The following TNRC6C variants were observed in gnomAD, a reference collection of about 807,000 sequenced individuals.
The protein encoded by TNRC6C is trinucleotide repeat containing adaptor 6C, also known as trinucleotide repeat-containing gene 6C protein.
Under a neutral mutation model 153.7 loss-of-function variants are expected in TNRC6C, and 20 were observed. The observed-to-expected ratio is 0.13, with a 90% CI of 0.09 to 0.19. The LOEUF (loss-of-function observed/expected upper bound fraction) is 0.19. Ranked by LOEUF, TNRC6C falls within the 10% of genes least tolerant of loss-of-function variation. The probability of loss-of-function intolerance (pLI) is 1.00; values close to 1 mark genes in which losing one functional copy is unlikely to be tolerated. For synonymous variants in TNRC6C, 811 were observed against 841.4 expected, an observed-to-expected ratio of 0.96 and a Z score of 0.63; for missense variants, 1,987 against 2,172.0, an observed-to-expected ratio of 0.91 and a Z score of 1.69.
At chr17:78,086,401 A>G in intron 11 of TNRC6C, 102 bp from the exon 14 acceptor site, 4 of 629,314 alleles carry the variant, frequency 6.4e-6, no homozygotes, top group Non-Finnish European at 7.9e-6. Context: ...AAGAGTGGCT[A>G]GGTTCTCTTT....
At chr17:77,958,384 G>A (rs1026117304), upstream of TNRC6C, among the ~76,000 whole-genome samples, 1 of 152,030 alleles carries the variant, frequency 6.6e-6, no homozygotes, top group East Asian at 1.9e-4. Flanking sequence ...CAGGACTGGC[G>A]CGCGTCCCGG....
At chr17:77,997,845 G>T (rs978274186) in intron 1 of TNRC6C, among the ~76,000 whole-genome samples, 2 of 151,622 alleles carry the variant, frequency 1.3e-5, no homozygotes, top group Non-Finnish European at 2.9e-5. Flanking sequence ...TAGTAGAGAC[G>T]GGGTTTCACC....
intron 1 of TNRC6C, among the ~76,000 whole-genome samples, chr17:77,959,587 G>C (rs566486964): frequency 3.7e-4 from 56 of 152,234 alleles, no homozygotes; most frequent in Non-Finnish European, 7.1e-4. Flanking sequence ...GGTCCTTTCC[G>C]GGCAGCCCCC....
At chr17:78,083,245 GATA>G in intron 11 of TNRC6C, 79 bp downstream of exon 13, 1 of 1,580,944 alleles carries the variant, frequency 6.3e-7, no homozygotes, top group South Asian at 1.1e-5. Context: ...CAGCAGTTGT[GATA>G]ATGTTTGTCT....
intron 1 of TNRC6C, among the ~76,000 whole-genome samples, chr17:77,983,404 T>C (rs2071109866): frequency 6.6e-6 from 1 of 152,098 alleles, no homozygotes; most frequent in Admixed American, 6.5e-5. Flanking sequence ...CAAGGCAAAA[T>C]GGGGTAATGC....
chr17:77,996,890 T>A (rs1175560571), intron 1 of TNRC6C, among the ~76,000 whole-genome samples: 1 of 152,114 alleles, frequency 6.6e-6, no homozygotes, highest in East Asian at 1.9e-4. Context: ...AAAATCAGGA[T>A]ACAGATACCA....
intron 3 of TNRC6C, among the ~76,000 whole-genome samples, chr17:78,058,315 T>C (rs959698244): frequency 6.6e-6 from 1 of 152,194 alleles, no homozygotes; most frequent in Non-Finnish European, 1.5e-5. Context: ...CTAAAAATAC[T>C]CAGCAACATG....
intron 19 of TNRC6C, 132 bp downstream of exon 22, chr17:78,103,685 G>A: frequency 7.6e-7 from 1 of 1,316,146 alleles, no homozygotes; most frequent in Non-Finnish European, 1.0e-6. Context: ...TCCCACTTCT[G>A]GAGGCTGGAA....
At chr17:78,095,593 TC>T (rs1475872308) in intron 16 of TNRC6C, among the ~76,000 whole-genome samples, 1 of 152,212 alleles carries the variant, frequency 6.6e-6, no homozygotes, top group Non-Finnish European at 1.5e-5. Flanking sequence ...TTCATGTGGC[TC>T]ATGCCAGGCC....
intron 3 of TNRC6C, among the ~76,000 whole-genome samples, chr17:78,057,683 G>A (rs1380346771): frequency 6.6e-6 from 1 of 152,132 alleles, no homozygotes; most frequent in Non-Finnish European, 1.5e-5. Flanking sequence ...GTGTTTTTAG[G>A]TTTTATTCAG....
At chr17:77,979,487 T>G (rs2071044073) in intron 1 of TNRC6C, among the ~76,000 whole-genome samples, 1 of 152,104 alleles carries the variant, frequency 6.6e-6, no homozygotes, top group South Asian at 2.1e-4. Context: ...AAGAAAAAAT[T>G]AGTAAACTAG....
exon 2 of TNRC6C, chr17:78,031,534 C>T (rs1489943155): frequency 1.7e-5 from 21 of 1,232,104 alleles, no homozygotes; most frequent in Non-Finnish European, 1.8e-5. Flanking sequence ...CCTACTAAGA[C>T]CTGTTCAAGC....
At chr17:77,989,228 G>A (rs1308408670) in intron 1 of TNRC6C, among the ~76,000 whole-genome samples, 1 of 152,190 alleles carries the variant, frequency 6.6e-6, no homozygotes, top group African/African-American at 2.4e-5. Flanking sequence ...TAGTGGGTAG[G>A]AGCCAGAGAT....
chr17:78,082,510 G>C (rs1208644993), intron 10 of TNRC6C, among the ~76,000 whole-genome samples: 1 of 152,156 alleles, frequency 6.6e-6, no homozygotes, highest in Non-Finnish European at 1.5e-5. Flanking sequence ...AAAGCTGGTT[G>C]CAAACAATCA....
At chr17:78,070,304 G>T (rs1309293538) in intron 5 of TNRC6C, among the ~76,000 whole-genome samples, 1 of 152,206 alleles carries the variant, frequency 6.6e-6, no homozygotes, top group East Asian at 1.9e-4. Flanking sequence ...CTTGAGGAAA[G>T]AAAGCCTGTT....
chr17:77,994,981 T>C (rs1232071966), intron 1 of TNRC6C, among the ~76,000 whole-genome samples: 1 of 152,234 alleles, frequency 6.6e-6, no homozygotes, highest in Non-Finnish European at 1.5e-5. Context: ...TAAGCTCTAA[T>C]TTATGGGCTC....
At chr17:78,050,348 A>G in exon 3 of TNRC6C, 2 of 1,610,612 alleles carry the variant, frequency 1.2e-6, no homozygotes, top group Non-Finnish European at 1.7e-6. Context: ...ATTATAGACC[A>G]AGGGCACATC....
intron 2 of TNRC6C, among the ~76,000 whole-genome samples, chr17:78,042,252 T>G (rs1290799140): frequency 2.6e-5 from 4 of 152,184 alleles, no homozygotes; most frequent in Non-Finnish European, 5.9e-5. Flanking sequence ...TCTTTTTTCT[T>G]TTTAAGGCTT....
At chr17:77,961,070 A>T (rs2070858020) in intron 1 of TNRC6C, among the ~76,000 whole-genome samples, 1 of 152,116 alleles carries the variant, frequency 6.6e-6, no homozygotes, top group African/African-American at 2.4e-5. Flanking sequence ...CGTTTTTATT[A>T]TAAGGATCTG....
Sources: allele counts gnomAD v4.1 joint callset (sites outside exome capture counted in the v4.1 genomes callset), GRCh38; gene constraint gnomAD v4.1.1; transcripts MANE v1.5; gene names NCBI Gene and HGNC (gene_info 2026-07-23, HGNC 2026-07-21).